Variants in UGT1A8 observed in about 807,000 individuals in gnomAD.
UGT1A8 encodes UDP-glucuronosyltransferase 1A8.
In UGT1A8, 39 loss-of-function variants were observed where a neutral mutation model predicts 45.3. The observed-to-expected ratio is 0.86, with a 90% CI of 0.67 to 1.12. The LOEUF is 1.12. Ranked by LOEUF, UGT1A8 falls within the 50% of genes most tolerant of loss-of-function variation. The pLI is 0.00. For synonymous variants in UGT1A8, 275 were observed against 249.2 expected (o/e 1.10, Z -0.97); for missense variants, 719 against 664.9 (o/e 1.08, Z -0.90).
chr2:233,660,517 A>G (rs574731870), intron 1 of UGT1A8, among the ~76,000 whole-genome samples: 133 of 152,180 alleles, frequency 8.7e-4, no homozygotes, highest in Admixed American at 1.8e-3. Flanking sequence ...CCAGTTTGGA[A>G]AAAGTGTTTC....
rs766578846 is a variant in UGT1A8 at position 233,743,643 on chromosome 2, T to C, written c.856-23391T>C. On this transcript the variant is annotated intron_variant, in intron 1 of 4. Transcript: ENST00000373450. ...AAGACGTCGGCTGGGTCGCGGAAGC[T>C]GAAGACGTACTCGAAGGGGTCCTCG... 2.2e-6 allele frequency: 3 copies of C among 1,367,168 alleles called. No homozygotes were observed. In the African/African-American group the frequency reaches 4.5e-5, roughly 20 times the overall value. The allele number at this position is 1,367,168 out of a possible 1,614,324, so 84.7% of individuals were successfully genotyped here.
Position 233,618,148 on chromosome 2 carries a change from T to C in UGT1A8, c.441T>C (p.Leu147=), listed in dbSNP as rs1042591. The change falls in exon 1 of 5, where the codon CTT becomes CTC. Residue 147 remains leucine, a synonymous_variant. Transcript: ENST00000373450. Reference sequence around the variant, plus strand: ...AGAGTTCTTTTGATGCGGTGTTTCTTGATCCTTTTGATGCCTGTGGCTTAA... The same window carrying C: ...AGAGTTCTTTTGATGCGGTGTTTCTCGATCCTTTTGATGCCTGTGGCTTAA... ...LKESSFDAVF[L]DPFDACGLIV... The C allele has an allele frequency of 7.4e-6, 12 of 1,614,134 alleles. No homozygotes were observed. The Middle Eastern group carries it at 8.3e-4, about 111-fold the overall frequency.
chr2:233,768,371 C>T lies in UGT1A8; in HGVS notation c.1227C>T (p.Thr409=). The T allele has an allele frequency of 6.2e-7, 1 of 1,614,074 alleles. No homozygotes were observed. Among genetic ancestry groups the T allele is most frequent in the South Asian group, 1.1e-5 (1 of 91,082 alleles). ...TGGAGACTAAGGGAGCTGGAGTGAC[C>T]CTGAATGTTCTGGAAATGACTTCTG... is the stretch of plus-strand genomic sequence containing the variant. The part of the protein sequence containing the change: ...KRMETKGAGV[T]LNVLEMTSED... Residue 409 remains threonine, a synonymous_variant, in exon 4 of 5, where the codon ACC becomes ACT. Coordinates refer to ENST00000373450, the MANE Select transcript of UGT1A8 (RefSeq NM_019076.5).
chr2:233,686,424 C>T (rs140951081), intron 1 of UGT1A8, among the ~76,000 whole-genome samples: 8 of 152,224 alleles, frequency 5.3e-5, no homozygotes, highest in African/African-American at 1.4e-4. Flanking sequence ...GATAAACACA[C>T]GCATGCTTGA....
chr2:233,730,694 C>T (rs1315714978), intron 1 of UGT1A8, among the ~76,000 whole-genome samples: 1 of 152,058 alleles, frequency 6.6e-6, no homozygotes, highest in Non-Finnish European at 1.5e-5. Context: ...TCAAATGATT[C>T]TTCTACTTGG....
chr2:233,768,023 G>A, intron 3 of UGT1A8, 87 bp downstream of exon 3: 1 of 1,613,460 alleles, frequency 6.2e-7, no homozygotes, highest in Non-Finnish European at 8.5e-7. Flanking sequence ...GGATTGTTGA[G>A]CTTGAAAATA....
At chr2:233,695,917 A>G (rs2075314199) in intron 1 of UGT1A8, among the ~76,000 whole-genome samples, 1 of 152,158 alleles carries the variant, frequency 6.6e-6, no homozygotes, top group African/African-American at 2.4e-5. Context: ...TTTTCTCCAC[A>G]CACCAAGCAA....
At chr2:233,717,670 G>GC (rs2076597082) in intron 1 of UGT1A8, 1 of 419,050 alleles carries the variant, frequency 2.4e-6, no homozygotes, top group African/African-American at 2.0e-5. Context: ...CAGCAATCTT[G>GC]CGAGCACATG....
At chr2:233,738,331 A>G (rs1320922630) in intron 1 of UGT1A8, among the ~76,000 whole-genome samples, 1 of 152,220 alleles carries the variant, frequency 6.6e-6, no homozygotes, top group African/African-American at 2.4e-5. Context: ...GGACTAATAC[A>G]GTAAATTGGT....
At chr2:233,662,508 C>G (rs1023594396) in intron 1 of UGT1A8, among the ~76,000 whole-genome samples, 1 of 152,128 alleles carries the variant, frequency 6.6e-6, no homozygotes, top group Non-Finnish European at 1.5e-5. Context: ...CCATGCTAAA[C>G]TTACTTATTT....
At chr2:233,655,709 C>T (rs2073839046) in intron 1 of UGT1A8, among the ~76,000 whole-genome samples, 1 of 152,176 alleles carries the variant, frequency 6.6e-6, no homozygotes, top group Non-Finnish European at 1.5e-5. Flanking sequence ...TCTCTGGCCT[C>T]AGGGTGCCTG....
intron 1 of UGT1A8, chr2:233,760,815 A>G: frequency 6.2e-7 from 1 of 1,613,556 alleles, no homozygotes; most frequent in Non-Finnish European, 8.5e-7. Context: ...ATGCACTGCC[A>G]TGCAGCCTGG....
chr2:233,719,074 C>T, intron 1 of UGT1A8: 1 of 1,614,224 alleles, frequency 6.2e-7, no homozygotes, highest in Non-Finnish European at 8.5e-7. Flanking sequence ...GTTCCATGGA[C>T]CCAGAAGGAA....
chr2:233,682,712 T>C, intron 1 of UGT1A8: 1 of 1,613,902 alleles, frequency 6.2e-7, no homozygotes, highest in African/African-American at 1.3e-5. Context: ...TGACTTTGTT[T>C]TGGAGTATCC....
intron 1 of UGT1A8, chr2:233,648,513 T>G (rs1452985455): frequency 6.3e-6 from 1 of 158,834 alleles, no homozygotes; most frequent in Non-Finnish European, 1.4e-5. Flanking sequence ...CAGGCTGGAG[T>G]GCAGTGGCGT....
At chr2:233,682,619 T>C (rs2074587451) in intron 1 of UGT1A8, 1 of 1,613,920 alleles carries the variant, frequency 6.2e-7, no homozygotes, top group Non-Finnish European at 8.5e-7. Context: ...CAAAAATGTC[T>C]TAGAAATAGC....
At chr2:233,718,637 T>A in intron 1 of UGT1A8, 1 of 1,451,650 alleles carries the variant, frequency 6.9e-7, no homozygotes, top group Non-Finnish European at 9.3e-7. Context: ...TTTCCCAGGG[T>A]TGGGCCCATA....
intron 1 of UGT1A8, among the ~76,000 whole-genome samples, chr2:233,695,423 CT>C (rs2075287653): frequency 2.6e-5 from 2 of 76,322 alleles, no homozygotes; most frequent in Non-Finnish European, 6.4e-5. Context: ...CGCGCCCGGC[CT>C]TCTTCTTCTT....
intron 1 of UGT1A8, among the ~76,000 whole-genome samples, chr2:233,619,147 AT>A (rs45499895): frequency 0.011 from 1,725 of 152,240 alleles, 45 homozygotes; most frequent in African/African-American, 0.039. Context: ...TCTAATGTAA[AT>A]TCTCATACCT....
Sources: allele counts gnomAD v4.1 joint callset (sites outside exome capture counted in the v4.1 genomes callset), GRCh38; gene constraint gnomAD v4.1.1; transcripts MANE v1.5; gene names NCBI Gene and HGNC (gene_info 2026-07-23, HGNC 2026-07-21).